The following MEIS1 variants were observed in gnomAD, a reference collection of about 807,000 sequenced individuals.
The protein encoded by MEIS1 is homeobox protein Meis1.
MEIS1 carries 5 observed loss-of-function variants against 50.8 expected under a neutral mutation model. That is an observed-to-expected ratio of 0.10 (90% CI 0.05 to 0.21). MEIS1 has a LOEUF of 0.21. MEIS1 is among the 10% of genes least tolerant of loss of function. The pLI, the probability that MEIS1 is intolerant of heterozygous loss-of-function variation, is 1.00. For missense variants in MEIS1, 318 were observed against 517.3 expected, an observed-to-expected ratio of 0.61 and a Z score of 3.74; for synonymous variants, 176 against 179.3, an observed-to-expected ratio of 0.98 and a Z score of 0.15.
chr2:66,457,261 G>A (rs1455137375), intron 6 of MEIS1, among the ~76,000 whole-genome samples: 2 of 151,734 alleles, frequency 1.3e-5, no homozygotes, highest in African/African-American at 2.4e-5. Context: ...TGTTTTGAGA[G>A]GAGCAGGCTG....
chr2:66,460,425 G>A (rs1458579166), intron 6 of MEIS1, among the ~76,000 whole-genome samples: 1 of 152,274 alleles, frequency 6.6e-6, no homozygotes, highest in East Asian at 1.9e-4. Context: ...AGAAACGATA[G>A]AAGAAAATGG....
rs767527310 is a variant in MEIS1 at position 66,441,642 on chromosome 2, T to C, written c.483+178T>C. On this transcript the variant is annotated intron_variant, in intron 5 of 12. Transcript: ENST00000272369. ...TTTCTCTTCGCAGTTTAATTACAAT[T>C]TCAGCCACTAAAACTGGGATCACAA... 1.4e-4 allele frequency: 82 copies of C among 566,002 alleles called. 1 individual carries two copies. Among genetic ancestry groups the C allele is most frequent in the Middle Eastern group, 9.0e-4 (2 of 2,210 alleles). The allele number at this position is 566,002 out of a possible 1,614,324, so 35.1% of individuals were successfully genotyped here.
intron 6 of MEIS1, chr2:66,461,823 C>T (rs758619528): frequency 3.0e-4 from 141 of 468,476 alleles, no homozygotes; most frequent in Admixed American, 1.1e-3. Context: ...ATCAGAATTT[C>T]CAGCAAGGAA....
intron 6 of MEIS1, among the ~76,000 whole-genome samples, chr2:66,447,354 C>G (rs567989989): frequency 4.6e-5 from 7 of 152,334 alleles, no homozygotes; most frequent in Admixed American, 4.6e-4. Flanking sequence ...TCTCAGTCCA[C>G]AGGACTTGCA....
chr2:66,555,534 A>G (rs1675039204), intron 9 of MEIS1, among the ~76,000 whole-genome samples: 1 of 152,214 alleles, frequency 6.6e-6, no homozygotes, highest in South Asian at 2.1e-4. Flanking sequence ...TTGAAGCTTT[A>G]GACATTAGTA....
chr2:66,442,877 T>A (rs775218475), intron 5 of MEIS1, 25 bp from the exon 6 acceptor site: 48 of 1,567,746 alleles, frequency 3.1e-5, no homozygotes, highest in Non-Finnish European at 3.4e-6. Context: ...TATATTCCCA[T>A]TTTTTTATTT....
chr2:66,447,309 C>T (rs1394057630), intron 6 of MEIS1, among the ~76,000 whole-genome samples: 1 of 152,184 alleles, frequency 6.6e-6, no homozygotes, highest in Non-Finnish European at 1.5e-5. Flanking sequence ...ATAAATGCTT[C>T]GTAGGTTCCC....
intron 7 of MEIS1, among the ~76,000 whole-genome samples, chr2:66,502,283 G>T (rs1047527472): frequency 2.2e-4 from 33 of 152,114 alleles, no homozygotes; most frequent in African/African-American, 8.0e-4. Context: ...GAAACAGAGG[G>T]GAATAGAGGG....
intron 7 of MEIS1, among the ~76,000 whole-genome samples, chr2:66,489,422 T>C (rs1017550771): frequency 2.6e-5 from 4 of 152,216 alleles, no homozygotes; most frequent in Non-Finnish European, 5.9e-5. Context: ...GTTTTTCAGG[T>C]TGATTCTTAA....
rs147155465 is a variant in MEIS1 at position 66,496,813 on chromosome 2, T to G, written c.743-15336T>G. On this transcript the variant is annotated intron_variant, in intron 7 of 12. Transcript: ENST00000272369. The stretch of plus-strand genomic sequence containing the variant: ...GGAGGCACACTCGGGAACGTTCTCG[T>G]TTTTTTTTGTTTGTTTTGCAATGTG... Among the ~76,000 whole-genome samples the G allele has an allele frequency of 5.8e-3, 875 of 151,228 alleles. 7 individuals carry two copies. The highest frequency in any genetic ancestry group is 0.02 in the African/African-American group (823 of 41,194).
chr2:66,558,886 A>T (rs1384884555), intron 9 of MEIS1, among the ~76,000 whole-genome samples: 1 of 152,166 alleles, frequency 6.6e-6, no homozygotes, highest in African/African-American at 2.4e-5. Context: ...TTATGCCTGT[A>T]ATCTCAGCAC....
At chr2:66,481,850 C>CTTTTTTT (rs996753363) in intron 7 of MEIS1, among the ~76,000 whole-genome samples, 4 of 90,176 alleles carry the variant, frequency 4.4e-5, no homozygotes, top group Non-Finnish European at 6.6e-5. Context: ...TCTGATATTT[C>CTTTTTTT]TTTTTTTTTT....
At chr2:66,555,698 C>G (rs1378904501) in intron 9 of MEIS1, among the ~76,000 whole-genome samples, 9 of 152,258 alleles carry the variant, frequency 5.9e-5, no homozygotes, top group Middle Eastern at 3.4e-3. Context: ...GGGTGATTAA[C>G]CGTTAAGCAC....
intron 11 of MEIS1, 80 bp from the exon 12 acceptor site, chr2:66,568,970 T>C (rs1675419792): frequency 1.5e-6 from 2 of 1,358,726 alleles, no homozygotes; most frequent in Non-Finnish European, 2.1e-6. Context: ...GATCCTGTTT[T>C]TTTTTTAAGG....
chr2:66,463,343 A>G (rs1255802821), intron 6 of MEIS1, among the ~76,000 whole-genome samples: 1 of 152,128 alleles, frequency 6.6e-6, no homozygotes, highest in East Asian at 1.9e-4. Context: ...TAGCACTAAA[A>G]GCTAATTAAA....
intron 7 of MEIS1, among the ~76,000 whole-genome samples, chr2:66,504,613 A>T (rs1221030788): frequency 6.6e-6 from 1 of 152,168 alleles, no homozygotes; most frequent in Non-Finnish European, 1.5e-5. Context: ...ATCTCTGTGG[A>T]GCCAACTTTA....
intron 9 of MEIS1, among the ~76,000 whole-genome samples, chr2:66,557,065 A>G (rs980351109): frequency 2.1e-4 from 32 of 152,272 alleles, no homozygotes; most frequent in African/African-American, 7.2e-4. Context: ...ATAACAAAGG[A>G]ATATAAGATT....
intron 7 of MEIS1, among the ~76,000 whole-genome samples, chr2:66,487,505 T>A (rs1434163554): frequency 6.6e-6 from 1 of 152,218 alleles, no homozygotes; most frequent in African/African-American, 2.4e-5. Flanking sequence ...CTTATTTTGG[T>A]GTCTTGGAAA....
At chr2:66,567,612 G>A in intron 10 of MEIS1, 101 bp downstream of exon 10, 1 of 1,011,618 alleles carries the variant, frequency 9.9e-7, no homozygotes, top group Non-Finnish European at 1.5e-6. Context: ...CTGGGAGTGA[G>A]TATAGGAACG....
Sources: allele counts gnomAD v4.1 joint callset (sites outside exome capture counted in the v4.1 genomes callset), GRCh38; gene constraint gnomAD v4.1.1; transcripts MANE v1.5; gene names NCBI Gene and HGNC (gene_info 2026-07-23, HGNC 2026-07-21).